TENM2: variants seen among roughly 807,000 people sequenced by gnomAD.
TENM2 encodes the protein teneurin transmembrane protein 2, also known as teneurin-2.
A neutral mutation model predicts 245.2 loss-of-function variants in TENM2; 52 were observed. The observed-to-expected ratio is 0.21, with a 90% CI of 0.17 to 0.27. The LOEUF (loss-of-function observed/expected upper bound fraction) is 0.27, where lower values mean the gene tolerates loss of function less well. Among genes scored for constraint, TENM2 ranks in the 10% least tolerant of loss-of-function variants. TENM2 has a pLI of 1.00. For missense variants in TENM2, 3,046 were observed against 3,666.8 expected, an observed-to-expected ratio of 0.83 and a Z score of 4.37; for synonymous variants, 1,363 against 1,438.9, an observed-to-expected ratio of 0.95 and a Z score of 1.19.
At chr5:168,016,143 A>G (rs2152089550) in intron 5 of TENM2, among the ~76,000 whole-genome samples, 1 of 152,280 alleles carries the variant, frequency 6.6e-6, no homozygotes, top group Admixed American at 6.5e-5. Flanking sequence ...GCATCAACAC[A>G]TTTAACCCTC....
chr5:167,105,606 C>T, the TENM2 span, among the ~76,000 whole-genome samples: 4 of 151,770 alleles, frequency 2.6e-5, no homozygotes, highest in Non-Finnish European at 2.9e-5. Context: ...AGAAAGTGAT[C>T]GGCCGGGCGC....
chr5:167,161,141 C>A, the TENM2 span, among the ~76,000 whole-genome samples: 1 of 152,116 alleles, frequency 6.6e-6, no homozygotes, highest in Non-Finnish European at 1.5e-5. Flanking sequence ...GCAGTACATC[C>A]CAGGGACTTT....
chr5:168,138,988 T>G (rs887153722), intron 12 of TENM2, among the ~76,000 whole-genome samples: 1 of 152,214 alleles, frequency 6.6e-6, no homozygotes, highest in African/African-American at 2.4e-5. Context: ...GAGACTTTGA[T>G]GTTTTCTAAC....
chr5:167,324,511 T>G (rs552839832), intron 1 of TENM2, among the ~76,000 whole-genome samples: 1 of 152,178 alleles, frequency 6.6e-6, no homozygotes, highest in Non-Finnish European at 1.5e-5. Flanking sequence ...AAGCTCTGTT[T>G]TGATCACAAA....
At chr5:167,488,951 T>C (rs1297736589) in intron 2 of TENM2, among the ~76,000 whole-genome samples, 1 of 152,188 alleles carries the variant, frequency 6.6e-6, no homozygotes, top group African/African-American at 2.4e-5. Flanking sequence ...TTGTGCCCTG[T>C]CTGCCTGCCA....
At chr5:167,949,524 C>T (rs558229801) in intron 3 of TENM2, among the ~76,000 whole-genome samples, 3 of 152,262 alleles carry the variant, frequency 2.0e-5, no homozygotes, top group East Asian at 1.9e-4. Flanking sequence ...ACTTGGTTTT[C>T]GGGGACTTGC....
At chr5:167,589,168 T>C (rs11749653) in intron 2 of TENM2, among the ~76,000 whole-genome samples, 101,993 of 150,504 alleles carry the variant, frequency 0.68, 34,684 homozygotes, top group East Asian at 0.74. Flanking sequence ...TGCCATTGCA[T>C]GCCAGCCTGG....
chr5:168,213,024 C>T (rs1762907688), intron 20 of TENM2, among the ~76,000 whole-genome samples: 1 of 152,238 alleles, frequency 6.6e-6, no homozygotes, highest in Non-Finnish European at 1.5e-5. Flanking sequence ...CACAGATGTG[C>T]AATGCCTTGA....
chr5:167,673,242 T>G (rs563571124), intron 2 of TENM2, among the ~76,000 whole-genome samples: 1 of 152,234 alleles, frequency 6.6e-6, no homozygotes, highest in South Asian at 2.1e-4. Context: ...AAATGTCTGC[T>G]GTGTATTGTT....
At chr5:167,779,229 T>C (rs915123274) in intron 2 of TENM2, among the ~76,000 whole-genome samples, 1 of 152,222 alleles carries the variant, frequency 6.6e-6, no homozygotes, top group Non-Finnish European at 1.5e-5. Context: ...TGTGAAGACC[T>C]TTCCCAACAG....
intron 27 of TENM2, among the ~76,000 whole-genome samples, chr5:168,250,039 G>C (rs1316509754): frequency 6.6e-6 from 1 of 152,136 alleles, no homozygotes; most frequent in Non-Finnish European, 1.5e-5. Context: ...AGGAAATCAG[G>C]ATGGCTGGAT....
intron 25 of TENM2, among the ~76,000 whole-genome samples, chr5:168,234,673 C>T (rs2152650223): frequency 6.6e-6 from 1 of 152,230 alleles, no homozygotes; most frequent in East Asian, 1.9e-4. Flanking sequence ...TCAACCCCTT[C>T]TATTAAGATT....
At chr5:167,757,060 T>C (rs966001768) in intron 2 of TENM2, among the ~76,000 whole-genome samples, 1 of 149,860 alleles carries the variant, frequency 6.7e-6, no homozygotes, top group African/African-American at 2.4e-5. Flanking sequence ...TATTTTTAAA[T>C]TTTATATTAT....
rs566540957 is a variant in TENM2, at chr5:167,790,113, C to CT, written c.503-85863dup. On this transcript the variant is annotated intron_variant, in intron 2 of 28. Coordinates refer to ENST00000518659, the Ensembl canonical transcript of TENM2. ...ATTAACAGACAAAATAAAAAGCAGA[C>CT]TTTTTTTTTTAAAGATATGATGGAG... 3.4e-3 allele frequency among the ~76,000 whole-genome samples: 512 copies of CT among 149,296 alleles called. 5 individuals carry two copies. Among genetic ancestry groups the CT allele is most frequent in the African/African-American group, 0.011 (449 of 40,722 alleles).
At chr5:168,178,626 C>T (rs1759567592) in intron 13 of TENM2, among the ~76,000 whole-genome samples, 2 of 151,790 alleles carry the variant, frequency 1.3e-5, no homozygotes, top group Admixed American at 1.3e-4. Context: ...TCAGCAGGGG[C>T]GGGACAGGGA....
intron 2 of TENM2, among the ~76,000 whole-genome samples, chr5:167,832,384 A>T (rs531193283): frequency 1.6e-4 from 25 of 152,370 alleles, no homozygotes; most frequent in East Asian, 5.8e-4. Context: ...TTGTCTGTGT[A>T]GACCATGTGA....
chr5:168,215,004 C>T, intron 20 of TENM2, 36 bp from the exon 23 acceptor site: 1 of 1,571,332 alleles, frequency 6.4e-7, no homozygotes, highest in Non-Finnish European at 8.8e-7. Context: ...CTCCATAGCC[C>T]CCTCCTCATT....
chr5:167,682,972 C>T (rs1047149282), intron 2 of TENM2, among the ~76,000 whole-genome samples: 12 of 152,148 alleles, frequency 7.9e-5, no homozygotes, highest in Non-Finnish European at 1.6e-4. Flanking sequence ...AGTAATGACA[C>T]CTTTCTTTCC....
chr5:166,994,324 C>T, the TENM2 span, among the ~76,000 whole-genome samples: 1 of 152,156 alleles, frequency 6.6e-6, no homozygotes, highest in East Asian at 1.9e-4. Flanking sequence ...ATCTTAGCTT[C>T]CTCTGTTTTT....
Sources: allele counts gnomAD v4.1 joint callset (sites outside exome capture counted in the v4.1 genomes callset), GRCh38; gene constraint gnomAD v4.1.1; transcripts MANE v1.5; gene names NCBI Gene and HGNC (gene_info 2026-07-23, HGNC 2026-07-21).